Variants in NRCAM observed in about 807,000 individuals in gnomAD.
The protein encoded by NRCAM is neuronal cell adhesion molecule.
A neutral mutation model predicts 156.5 loss-of-function variants in NRCAM; 83 were observed. The observed-to-expected ratio is 0.53, with a 90% CI of 0.44 to 0.64. The LOEUF (loss-of-function observed/expected upper bound fraction) is 0.64. NRCAM is among the 30% of genes least tolerant of loss of function. The pLI, the probability that NRCAM is intolerant of heterozygous loss-of-function variation, is 0.00. For missense variants in NRCAM, 1,417 were observed against 1,597.3 expected, an observed-to-expected ratio of 0.89 and a Z score of 1.92; for synonymous variants, 538 against 563.9, an observed-to-expected ratio of 0.95 and a Z score of 0.65.
chr7:108,345,092 A>G (rs1183767707), intron 2 of NRCAM, among the ~76,000 whole-genome samples: 2 of 152,246 alleles, frequency 1.3e-5, no homozygotes, highest in Non-Finnish European at 2.9e-5. Flanking sequence ...AATATTTTAT[A>G]AAGAAATAGT....
intron 2 of NRCAM, among the ~76,000 whole-genome samples, chr7:108,321,871 T>C (rs1430607781): frequency 6.6e-6 from 1 of 152,252 alleles, no homozygotes; most frequent in African/African-American, 2.4e-5. Flanking sequence ...ACTTGGCCGT[T>C]GGTATCAAAA....
intron 12 of NRCAM, among the ~76,000 whole-genome samples, chr7:108,208,320 TAAATA>T (rs2082268811): frequency 6.6e-6 from 1 of 151,804 alleles, no homozygotes; most frequent in Non-Finnish European, 1.5e-5. Context: ...AATAAATAAA[TAAATA>T]AAATAAATTC....
chr7:108,194,398 A>C lies in NRCAM; in HGVS notation c.1494T>G (p.His498Gln). ...TTTCATGTAAAACATAAATATCTTC[A>C]TGAAGAGCACTTCCTTTAGCTCCTT... Reference protein sequence around the residue: ...WFKGAKGSALHEDIYVLHENG... With the variant: ...WFKGAKGSALQEDIYVLHENG... The change falls in exon 16 of 33, where the codon CAT (histidine) becomes CAG (glutamine). Residue 498 changes from histidine to glutamine, a missense_variant. Physicochemically the swap from His to Gln is conservative, Grantham distance 24. This residue lies in a region of NRCAM where 1,238 missense variants were observed against 1,336.4 expected (regional missense o/e 0.93). Transcript: ENST00000379028. 1.2e-6 allele frequency: 2 copies of C among 1,610,852 alleles called. No homozygotes were observed. The highest frequency in any genetic ancestry group is 1.7e-4 in the Middle Eastern group (1 of 6,042).
At chr7:108,428,636 C>G (rs901412573) in intron 1 of NRCAM, among the ~76,000 whole-genome samples, 5 of 152,148 alleles carry the variant, frequency 3.3e-5, no homozygotes, top group African/African-American at 1.2e-4. Context: ...GTGGGCAAAT[C>G]TGTAATACAC....
intron 3 of NRCAM, among the ~76,000 whole-genome samples, chr7:108,296,452 G>A (rs1441042061): frequency 6.6e-6 from 1 of 152,142 alleles, no homozygotes; most frequent in African/African-American, 2.4e-5. Context: ...ATATACAGGT[G>A]ACTCAGAGCG....
intron 14 of NRCAM, among the ~76,000 whole-genome samples, chr7:108,197,511 T>C (rs988557411): frequency 6.6e-6 from 1 of 152,188 alleles, no homozygotes; most frequent in African/African-American, 2.4e-5. Flanking sequence ...TTTTAAAATA[T>C]GTTTTTACAA....
intron 3 of NRCAM, among the ~76,000 whole-genome samples, chr7:108,240,902 T>C (rs1460126689): frequency 6.6e-6 from 1 of 152,308 alleles, no homozygotes; most frequent in East Asian, 1.9e-4. Context: ...ATATAACCAT[T>C]TTTTGGTTTG....
chr7:108,276,444 T>C (rs775260151), intron 3 of NRCAM, among the ~76,000 whole-genome samples: 33 of 152,352 alleles, frequency 2.2e-4, no homozygotes, highest in Non-Finnish European at 4.3e-4. Context: ...ATATTTAGGA[T>C]AGTTAACTCT....
chr7:108,399,995 C>G (rs2158850), intron 1 of NRCAM, among the ~76,000 whole-genome samples: 1 of 152,144 alleles, frequency 6.6e-6, no homozygotes, highest in Non-Finnish European at 1.5e-5. Context: ...GGGGAAGAAT[C>G]TAATACAGAC....
At chr7:108,348,905 GAAAA>G (rs60746037) in intron 2 of NRCAM, among the ~76,000 whole-genome samples, 8 of 126,348 alleles carry the variant, frequency 6.3e-5, no homozygotes, top group Non-Finnish European at 8.2e-5. Flanking sequence ...TCCATCTCAG[GAAAA>G]AAAAAAAAAA....
intron 8 of NRCAM, 117 bp downstream of exon 8, chr7:108,230,914 G>A (rs2094245620): frequency 2.8e-6 from 2 of 710,864 alleles, no homozygotes; most frequent in African/African-American, 1.9e-5. Flanking sequence ...TTGAAGAGCA[G>A]CTGTTTTCCT....
chr7:108,171,233 G>C (rs998698716), intron 28 of NRCAM, among the ~76,000 whole-genome samples: 1 of 152,000 alleles, frequency 6.6e-6, no homozygotes, highest in Non-Finnish European at 1.5e-5. Context: ...TTCCTCTGTA[G>C]ATACCGCCAG....
At chr7:108,411,055 A>G (rs928100337) in intron 1 of NRCAM, among the ~76,000 whole-genome samples, 1 of 152,108 alleles carries the variant, frequency 6.6e-6, no homozygotes, top group African/African-American at 2.4e-5. Context: ...CTAATTGTTG[A>G]TACTTTTTCC....
In NRCAM at chr7:108,179,217, T is replaced by C. The variant is rs1186855489; in HGVS notation, c.2851+1006A>G. ...CATGGAGCTCATTAAACCCATTCAT[T>C]GTCTCCCTAAGGGACTACAGTCCCC... is the stretch of plus-strand genomic sequence containing the variant. On this transcript the variant is annotated intron_variant, in intron 25 of 32. Transcript: ENST00000379028. Among the ~76,000 whole-genome samples the C allele has an allele frequency of 2.6e-5, 4 of 152,194 alleles. No homozygotes were observed. The South Asian group carries it at 6.2e-4, about 24-fold the overall frequency.
chr7:108,365,348 C>T (rs2099585576), intron 2 of NRCAM, among the ~76,000 whole-genome samples: 1 of 152,068 alleles, frequency 6.6e-6, no homozygotes. Flanking sequence ...TTGTATTTCT[C>T]ATCAAAGTGT....
intron 30 of NRCAM, among the ~76,000 whole-genome samples, chr7:108,163,811 G>A (rs1277580826): frequency 8.7e-6 from 1 of 114,782 alleles, no homozygotes; most frequent in Non-Finnish European, 1.8e-5. Flanking sequence ...GTGGGGTGGC[G>A]GTAATGAGAG....
chr7:108,166,637 AT>A (rs2054542924), intron 30 of NRCAM, among the ~76,000 whole-genome samples: 1 of 152,232 alleles, frequency 6.6e-6, no homozygotes, highest in South Asian at 2.1e-4. Flanking sequence ...TACATGTGAT[AT>A]GAACAATTGA....
chr7:108,400,902 C>G (rs2099790650), intron 1 of NRCAM, among the ~76,000 whole-genome samples: 1 of 152,038 alleles, frequency 6.6e-6, no homozygotes, highest in African/African-American at 2.4e-5. Flanking sequence ...ACACTGATGA[C>G]TAGGAAGTGA....
At chr7:108,266,910 A>ACAAGCTC (rs2097129015) in intron 3 of NRCAM, among the ~76,000 whole-genome samples, 1 of 89,858 alleles carries the variant, frequency 1.1e-5, no homozygotes, top group Non-Finnish European at 2.4e-5. Context: ...TTACCCCGCT[A>ACAAGCTC]ACAAGTTATC....
Sources: gnomAD v4.1 joint callset for allele counts (sites outside exome capture counted in the v4.1 genomes callset) on GRCh38, gnomAD v4.1.1 for gene constraint, gnomAD v4.1.1 regional missense constraint, MANE v1.5 for transcripts, NCBI Gene and HGNC (gene_info 2026-07-23, HGNC 2026-07-21) for gene names.